SFMBT2: variants seen among roughly 807,000 people sequenced by gnomAD.
SFMBT2 encodes scm-like with four MBT domains protein 2.
SFMBT2 carries 38 observed loss-of-function variants against 110.1 expected under a neutral mutation model. The observed-to-expected ratio is 0.35, with a 90% CI of 0.27 to 0.45. The LOEUF is 0.45. SFMBT2 is among the 20% of genes least tolerant of loss of function. SFMBT2 has a pLI of 1.00. For missense variants in SFMBT2, 1,011 were observed against 1,094.9 expected (o/e 0.92, Z 1.08); for synonymous variants, 425 against 425.4 (o/e 1.00, Z 0.01).
chr10:7,381,980 G>C, intron 1 of SFMBT2, 31 bp from the exon 2 acceptor site: 2 of 1,338,640 alleles, frequency 1.5e-6, no homozygotes, highest in Non-Finnish European at 2.0e-6. Context: ...AAAAATCAGA[G>C]CAGTTTAATC....
chr10:7,244,365 A>G (rs1840538836), intron 8 of SFMBT2, among the ~76,000 whole-genome samples: 2 of 152,224 alleles, frequency 1.3e-5, no homozygotes, highest in African/African-American at 4.8e-5. Flanking sequence ...TCAGACTTCA[A>G]CTTCTGTATT....
chr10:7,195,292 T>A (rs906990966), intron 15 of SFMBT2, among the ~76,000 whole-genome samples: 4 of 152,218 alleles, frequency 2.6e-5, no homozygotes, highest in African/African-American at 9.7e-5. Flanking sequence ...TGTGCCAATT[T>A]ATTCACTTAG....
At chr10:7,309,905 T>C (rs1842802109) in intron 4 of SFMBT2, among the ~76,000 whole-genome samples, 1 of 152,150 alleles carries the variant, frequency 6.6e-6, no homozygotes, top group African/African-American at 2.4e-5. Context: ...AGCCCAGAGA[T>C]GGCTCCAGTC....
At chr10:7,182,511 T>C (rs1838273168) in intron 16 of SFMBT2, among the ~76,000 whole-genome samples, 1 of 151,980 alleles carries the variant, frequency 6.6e-6, no homozygotes, top group Admixed American at 6.6e-5. Context: ...ATGTGGCACA[T>C]ATACACCATG....
intron 4 of SFMBT2, among the ~76,000 whole-genome samples, chr10:7,328,699 G>A (rs551013978): frequency 5.3e-5 from 8 of 152,292 alleles, no homozygotes; most frequent in Non-Finnish European, 1.2e-4. Flanking sequence ...TTTCCTCTTT[G>A]ATAAAGTAAG....
intron 4 of SFMBT2, among the ~76,000 whole-genome samples, chr10:7,316,199 A>G (rs558329892): frequency 2.6e-5 from 4 of 152,376 alleles, no homozygotes; most frequent in African/African-American, 9.6e-5. Context: ...CAGAATGGCA[A>G]GAAAAACAGC....
At chr10:7,276,122 T>C (rs1841766163) in intron 7 of SFMBT2, among the ~76,000 whole-genome samples, 1 of 152,214 alleles carries the variant, frequency 6.6e-6, no homozygotes, top group Non-Finnish European at 1.5e-5. Context: ...ATTTTTGAAG[T>C]GTAAAGAACT....
At chr10:7,200,608 A>T (rs542175143) in intron 13 of SFMBT2, 124 bp from the exon 14 acceptor site, 9 of 704,928 alleles carry the variant, frequency 1.3e-5, no homozygotes, top group African/African-American at 5.5e-5. Flanking sequence ...ACCATAGAAT[A>T]GAATGTGTGT....
rs760397823 is a variant in SFMBT2, at chr10:7,367,766, G to A, written c.319C>T (p.Arg107Cys). The A allele has an allele frequency of 3.1e-6, 5 of 1,614,014 alleles. No homozygotes were observed. Among genetic ancestry groups the A allele is most frequent in the African/African-American group, 1.3e-5 (1 of 74,926 alleles). Residue 107 changes from arginine to cysteine, a missense_variant, in exon 4 of 21, where the codon CGC (arginine) becomes TGC (cysteine). Coordinates refer to ENST00000397167, the MANE Select transcript of SFMBT2 (RefSeq NM_001387889.1). The surrounding 1 kb of genome is among the most constrained non-coding windows in gnomAD (Gnocchi z 6.2). The part of the protein sequence containing the change: ...ITTCGQLLLL[R>C]YCGYGEDRRA... The stretch of plus-strand genomic sequence containing the variant: ...CGGTCCTCCCCGTAACCGCAGTAGC[G>A]CAGAAGCAGCAGCTGCCCGCACGTG...
intron 2 of SFMBT2, chr10:7,370,943 C>T: frequency 4.8e-6 from 1 of 207,456 alleles, no homozygotes; most frequent in Non-Finnish European, 8.4e-6. Context: ...ACTCCCGACG[C>T]CTGGCCAGTC....
chr10:7,228,030 A>G (rs1482021587), intron 9 of SFMBT2, 93 bp from the exon 10 acceptor site: 3 of 848,996 alleles, frequency 3.5e-6, no homozygotes, highest in Middle Eastern at 2.3e-4. Context: ...TTAGGCTCCC[A>G]AAAGATAATG....
Position 7,172,563 on chromosome 10 carries a change from G to C in SFMBT2, c.2083C>G (p.Arg695Gly). ...TTCTTCTGCACGAAAATGGATTTCC[G>C]TCGCTTCCTCCGCCTGGCGGGTTTG... ...HPKPARRRKR[R>G]KSIFVQKKRR... The change falls in exon 18 of 21, where the codon CGG becomes GGG. Residue 695 changes from arginine to glycine, a missense_variant. Arg to Gly is a moderately radical substitution (Grantham distance 125). This residue lies in a region of SFMBT2 where 979 missense variants were observed against 1,016.1 expected (regional missense o/e 0.96). Coordinates refer to ENST00000397167, the MANE Select transcript of SFMBT2 (RefSeq NM_001387889.1). The surrounding 1 kb of genome is among the most constrained non-coding windows in gnomAD (Gnocchi z 4.6). 1 of 1,614,196 alleles carries C rather than the reference G, an allele frequency of 6.2e-7. No individual in the cohort carries two copies. The highest frequency in any genetic ancestry group is 8.5e-7 in the Non-Finnish European group (1 of 1,180,034).
chr10:7,203,363 T>C (rs966148926), intron 12 of SFMBT2: 1 of 163,762 alleles, frequency 6.1e-6, no homozygotes, highest in African/African-American at 2.4e-5. Flanking sequence ...AGACTTAGGA[T>C]CTCTCAGGTG....
chr10:7,279,823 C>A (rs1472319898), intron 6 of SFMBT2, among the ~76,000 whole-genome samples: 1 of 152,186 alleles, frequency 6.6e-6, no homozygotes, highest in African/African-American at 2.4e-5. Flanking sequence ...CCTAGAGAAA[C>A]AACTCTTCTT....
intron 4 of SFMBT2, among the ~76,000 whole-genome samples, chr10:7,300,311 A>G (rs1160165684): frequency 1.3e-5 from 2 of 152,022 alleles, no homozygotes; most frequent in Non-Finnish European, 2.9e-5. Context: ...AGAAATAAAG[A>G]ACAAATAAAA....
At chr10:7,309,834 C>T (rs1163006289) in intron 4 of SFMBT2, among the ~76,000 whole-genome samples, 2 of 152,122 alleles carry the variant, frequency 1.3e-5, no homozygotes, top group Non-Finnish European at 2.9e-5. Context: ...CAATGAAAAA[C>T]CAAAGACAAT....
intron 15 of SFMBT2, among the ~76,000 whole-genome samples, chr10:7,191,300 G>A (rs1280097299): frequency 6.6e-6 from 1 of 152,160 alleles, no homozygotes; most frequent in Non-Finnish European, 1.5e-5. Flanking sequence ...CAATGTCCCT[G>A]AAACTGTCTT....
chr10:7,249,293 C>G (rs1588383172), intron 7 of SFMBT2, among the ~76,000 whole-genome samples: 1 of 152,234 alleles, frequency 6.6e-6, no homozygotes, highest in Non-Finnish European at 1.5e-5. Context: ...GTTTTATAAC[C>G]TGCTTACAGC....
chr10:7,304,227 G>A (rs1013550302), intron 4 of SFMBT2, among the ~76,000 whole-genome samples: 1 of 152,262 alleles, frequency 6.6e-6, no homozygotes, highest in Middle Eastern at 3.4e-3. Context: ...TCTTTCCCAT[G>A]CTGTTCTTGT....
Sources: allele counts gnomAD v4.1 joint callset (sites outside exome capture counted in the v4.1 genomes callset), GRCh38; gene constraint gnomAD v4.1.1; regional missense constraint gnomAD v4.1.1; non-coding constraint Gnocchi (gnomAD v3.1); transcripts MANE v1.5; gene names NCBI Gene and HGNC (gene_info 2026-07-23, HGNC 2026-07-21).